Variants in FBXL16 observed in about 807,000 individuals in gnomAD.
FBXL16 encodes F-box and leucine rich repeat protein 16.
FBXL16 carries 7 observed loss-of-function variants against 36.7 expected under a neutral mutation model. The observed-to-expected ratio is 0.19, with a 90% confidence interval of 0.11 to 0.36. The LOEUF (loss-of-function observed/expected upper bound fraction) is 0.36. Ranked by LOEUF, FBXL16 falls within the 10% of genes least tolerant of loss-of-function variation. FBXL16 has a pLI of 1.00. For synonymous variants in FBXL16, 355 were observed against 308.7 expected, an observed-to-expected ratio of 1.15 and a Z score of -1.57; for missense variants, 463 against 659.4, an observed-to-expected ratio of 0.70 and a Z score of 3.26.
intron 2 of FBXL16, 73 bp downstream of exon 2, chr16:696,700 G>C: frequency 7.3e-7 from 1 of 1,373,240 alleles, no homozygotes; most frequent in Non-Finnish European, 9.4e-7. Flanking sequence ...GCCACCATCC[G>C]CTCCCACCTC....
At chr16:696,692 C>A in intron 2 of FBXL16, 81 bp downstream of exon 2, 4 of 1,356,210 alleles carry the variant, frequency 2.9e-6, no homozygotes, top group Non-Finnish European at 3.8e-6. Flanking sequence ...ACCCCAAAGC[C>A]ACCATCCGCT....
At position 702,854 on chromosome 16, in the gene FBXL16, T is replaced by C. The variant is rs950264952; in HGVS notation, c.-15+2658A>G. Among the ~76,000 whole-genome samples the C allele has an allele frequency of 8.5e-5, 13 of 152,188 alleles. 1 individual carries two copies. The highest frequency in any genetic ancestry group is 7.9e-4 in the Admixed American group (12 of 15,284). ...TTCAGCTGGCTCTCTCTTCAGGAGC[T>C]GCAGGGCTGAGGAAGTGGCTGCCCG... On this transcript the variant is annotated intron_variant, in intron 1 of 5. Transcript: ENST00000397621.
chr16:694,812 G>C (rs1596571993), intron 4 of FBXL16, 115 bp from the exon 5 acceptor site: 1 of 1,326,450 alleles, frequency 7.5e-7, no homozygotes, highest in Non-Finnish European at 1.0e-6. Flanking sequence ...GTCCCCCCCG[G>C]AGCCGGGAGG....
chr16:694,614 A>T lies in FBXL16; in HGVS notation c.1291+20T>A. 6.2e-7 allele frequency: 1 copy of T among 1,604,658 alleles called. No individual in the cohort carries two copies. The highest frequency in any genetic ancestry group is 1.7e-4 in the Middle Eastern group (1 of 6,032). ...GGTGGGTGGTCACTGCCAGCGTCAG[A>T]GCAGAAACGGGGGTCTCACCTGCCA... On this transcript the variant is annotated intron_variant, in intron 5 of 5. Transcript: ENST00000397621.
intron 1 of FBXL16, among the ~76,000 whole-genome samples, chr16:701,802 G>T (rs1195787739): frequency 6.6e-6 from 1 of 152,204 alleles, no homozygotes; most frequent in Non-Finnish European, 1.5e-5. Context: ...TTGTTAAAAA[G>T]GTGGCCATGC....
At chr16:699,484 T>C (rs1449760114) in intron 1 of FBXL16, among the ~76,000 whole-genome samples, 1 of 152,116 alleles carries the variant, frequency 6.6e-6, no homozygotes, top group Non-Finnish European at 1.5e-5. Flanking sequence ...GGCTCTGTGG[T>C]CTTGGCAAGC....
At chr16:703,194 C>T (rs2040069228) in intron 1 of FBXL16, among the ~76,000 whole-genome samples, 1 of 152,188 alleles carries the variant, frequency 6.6e-6, no homozygotes, top group Admixed American at 6.5e-5. Flanking sequence ...CTAGTGGTCT[C>T]TCCAAGTACT....
chr16:696,785 G>A lies in FBXL16; in HGVS notation c.621C>T (p.Asp207=), dbSNP rs780843866. 112 of 1,190,070 alleles carry A rather than the reference G, an allele frequency of 9.4e-5. No individual in the cohort carries two copies. Among genetic ancestry groups the A allele is most frequent in the African/African-American group, 2.2e-4 (6 of 27,168 alleles). The allele number at this position is 1,190,070 out of a possible 1,614,324, so 73.7% of individuals were successfully genotyped here. A position where few individuals can be genotyped will look rare whatever the true frequency, so the allele number is the denominator to read the frequency against. The stretch of plus-strand genomic sequence containing the variant: ...GCCTGGTGCACACCTCGAGGCCTGC[G>A]TCCGTGATGGTGGAGCGCTTGAGGC... ...AMSLKRSTIT[D]AGLEVMLEQM... is the part of the protein sequence containing the mutation. Residue 207 remains aspartate, a synonymous_variant, in exon 2 of 6, where the codon GAC becomes GAT. Coordinates refer to ENST00000397621, the MANE Select transcript of FBXL16 (RefSeq NM_153350.4).
Position 696,886 on chromosome 16 carries a change from C to T in FBXL16, c.520G>A (p.Val174Ile). The stretch of plus-strand genomic sequence containing the variant: ...CAGATGTCCAGGTCGGAGACGCCAA[C>T]CAGGCAGAAGCCCTCGAAGCCTCTG... ...AARGFEGFCL[V>I]GVSDLDICEF... Residue 174 changes from valine to isoleucine, a missense_variant, in exon 2 of 6, where the codon GTT (valine) becomes ATT (isoleucine). Transcript: ENST00000397621. The T allele has an allele frequency of 6.2e-7, 1 of 1,610,078 alleles. No homozygotes were observed. Among genetic ancestry groups the T allele is most frequent in the Non-Finnish European group, 8.5e-7 (1 of 1,179,020 alleles).
At chr16:700,162 G>A (rs2040045143) in intron 1 of FBXL16, among the ~76,000 whole-genome samples, 1 of 152,340 alleles carries the variant, frequency 6.6e-6, no homozygotes, top group South Asian at 2.1e-4. Context: ...ATCTGGGGAG[G>A]GGGTGTAGAC....
At chr16:703,110 G>C (rs2040068569) in intron 1 of FBXL16, among the ~76,000 whole-genome samples, 1 of 152,176 alleles carries the variant, frequency 6.6e-6, no homozygotes, top group African/African-American at 2.4e-5. Context: ...GTCCTGCCAG[G>C]TGTACCTCAC....
chr16:698,913 CAAA>C (rs767619638), intron 1 of FBXL16, among the ~76,000 whole-genome samples: 21 of 89,702 alleles, frequency 2.3e-4, no homozygotes, highest in East Asian at 7.0e-4. Context: ...GACTTTGTCT[CAAA>C]AAAAAAAAAA....
At chr16:698,844 G>A (rs2040034727) in intron 1 of FBXL16, among the ~76,000 whole-genome samples, 1 of 146,548 alleles carries the variant, frequency 6.8e-6, no homozygotes. Flanking sequence ...AATCCAGGAG[G>A]CGGAGGTTGC....
In FBXL16 at chr16:694,123, A is replaced by C; in HGVS notation, c.*152T>G. On this transcript the variant is annotated 3_prime_UTR_variant, in exon 6 of 6. Coordinates refer to ENST00000397621, the MANE Select transcript of FBXL16 (RefSeq NM_153350.4). ...AGGGCGGAGGGACCGAAGGTCGGGG[A>C]GGGGCTTTCCCTCGGCTCGCCCCGC... 1.2e-5 allele frequency: 5 copies of C among 402,976 alleles called. No individual in the cohort carries two copies. Among genetic ancestry groups the C allele is most frequent in the Non-Finnish European group, 1.2e-5 (3 of 245,944 alleles). The allele number at this position is 402,976 out of a possible 1,614,324, so 25.0% of individuals were successfully genotyped here.
Position 696,885 on chromosome 16 carries a change from A to T in FBXL16, c.521T>A (p.Val174Asp). The change falls in exon 2 of 6, where the codon GTT becomes GAT. Residue 174 changes from valine (V) to aspartate (D), a missense_variant. Coordinates refer to ENST00000397621, the MANE Select transcript of FBXL16 (RefSeq NM_153350.4). Reference sequence around the variant, plus strand: ...ACAGATGTCCAGGTCGGAGACGCCAACCAGGCAGAAGCCCTCGAAGCCTCT... The same window carrying T: ...ACAGATGTCCAGGTCGGAGACGCCATCCAGGCAGAAGCCCTCGAAGCCTCT... ...AARGFEGFCL[V>D]GVSDLDICEF... 1 of 1,609,614 alleles carries T rather than the reference A, an allele frequency of 6.2e-7. No homozygotes were observed. Among genetic ancestry groups the T allele is most frequent in the Non-Finnish European group, 8.5e-7 (1 of 1,178,926 alleles).
In FBXL16 at chr16:696,847, T is replaced by C; in HGVS notation, c.559A>G (p.Asn187Asp). ...SDLDICEFID[N>D]YALSKKGVKA... is the part of the protein sequence containing the mutation. Reference sequence around the variant, plus strand: ...ACACCCTTCTTGGAGAGCGCATAGTTGTCAATGAACTCACAGATGTCCAGG... The same window carrying C: ...ACACCCTTCTTGGAGAGCGCATAGTCGTCAATGAACTCACAGATGTCCAGG... The change falls in exon 2 of 6, where the codon AAC (asparagine) becomes GAC (aspartate). Residue 187 changes from asparagine (N) to aspartate (D), a missense_variant. This residue lies in a region of FBXL16 where 263 missense variants were observed against 341.1 expected (regional missense o/e 0.77). Transcript: ENST00000397621. 6.3e-7 allele frequency: 1 copy of C among 1,578,904 alleles called. No individual in the cohort carries two copies. The highest frequency in any genetic ancestry group is 8.6e-7 in the Non-Finnish European group (1 of 1,167,098).
intron 3 of FBXL16, 66 bp from the exon 4 acceptor site, chr16:695,142 T>A: frequency 6.7e-7 from 1 of 1,499,654 alleles, no homozygotes. Context: ...CTCGTCTTCC[T>A]GGGAGTGCCC....
chr16:695,108 C>A, intron 3 of FBXL16, 32 bp from the exon 4 acceptor site: 4 of 1,587,012 alleles, frequency 2.5e-6, no homozygotes, highest in Non-Finnish European at 3.4e-6. Context: ...CCCCCACCTT[C>A]AAATCACCTG....
At chr16:695,130 C>A (rs1340723756) in intron 3 of FBXL16, 54 bp from the exon 4 acceptor site, 1 of 1,539,446 alleles carries the variant, frequency 6.5e-7, no homozygotes, top group African/African-American at 1.4e-5. Flanking sequence ...CCCCGGCCAT[C>A]CCTCGTCTTC....
Sources: gnomAD v4.1 joint callset for allele counts (sites outside exome capture counted in the v4.1 genomes callset) on GRCh38, gnomAD v4.1.1 for gene constraint, gnomAD v4.1.1 regional missense constraint, MANE v1.5 for transcripts, NCBI Gene and HGNC (gene_info 2026-07-23, HGNC 2026-07-21) for gene names.